ABCC1: variants seen among roughly 807,000 people sequenced by gnomAD.
ABCC1 encodes multidrug resistance-associated protein 1.
A neutral mutation model predicts 172.9 loss-of-function variants in ABCC1; 83 were observed. The observed-to-expected ratio is 0.48, with a 90% CI of 0.40 to 0.58. The LOEUF is 0.58. ABCC1 is among the 20% of genes least tolerant of loss of function. The pLI, the probability that ABCC1 is intolerant of heterozygous loss-of-function variation, is 0.00. For synonymous variants in ABCC1, 937 were observed against 825.2 expected (o/e 1.14, Z -2.32); for missense variants, 1,817 against 2,002.7 (o/e 0.91, Z 1.77).
At chr16:15,990,825 T>G (rs1343056427) in intron 1 of ABCC1, among the ~76,000 whole-genome samples, 1 of 150,506 alleles carries the variant, frequency 6.6e-6, no homozygotes, top group Non-Finnish European at 1.5e-5. Context: ...AATTTTTTTT[T>G]TTTTTTTTTT....
At chr16:15,954,550 C>T (rs1289038278) in intron 1 of ABCC1, among the ~76,000 whole-genome samples, 3 of 121,558 alleles carry the variant, frequency 2.5e-5, no homozygotes, top group African/African-American at 9.6e-5. Context: ...CGGGAGAGGC[C>T]TGGGCAGGAG....
intron 10 of ABCC1, among the ~76,000 whole-genome samples, chr16:16,051,166 A>G (rs1382881273): frequency 1.3e-5 from 2 of 148,592 alleles, no homozygotes; most frequent in African/African-American, 5.0e-5. Flanking sequence ...TGTTCTTGTT[A>G]TTGTTTTTTT....
intron 1 of ABCC1, among the ~76,000 whole-genome samples, chr16:16,003,043 T>G (rs2047374843): frequency 6.6e-6 from 1 of 152,170 alleles, no homozygotes; most frequent in Admixed American, 6.6e-5. Context: ...TAAAAATAAT[T>G]ACAAAGAGAG....
intron 28 of ABCC1, 117 bp downstream of exon 28, chr16:16,134,625 CTTT>C (rs67073334): frequency 0.41 from 145,044 of 351,202 alleles, 20,560 homozygotes; most frequent in African/African-American, 0.51. Flanking sequence ...CTTCATCGTT[CTTT>C]TTTTTTTTTT....
chr16:16,130,769 GC>G lies in ABCC1; in HGVS notation c.3820-1019del, dbSNP rs564992876. Among the ~76,000 whole-genome samples, 15 of 152,244 alleles carry G rather than the reference GC, an allele frequency of 9.9e-5. No individual in the cohort carries two copies. In the South Asian group the frequency reaches 2.9e-3, roughly 30 times the overall value. ...TCCTTGACGTTAAAAGAATCTGGGGGCAACATTTATATTTTATCAGAAAAAC... is the reference window on the plus strand; with the variant it reads ...TCCTTGACGTTAAAAGAATCTGGGGGAACATTTATATTTTATCAGAAAAAC... On this transcript the variant is annotated intron_variant, in intron 26 of 30. Coordinates refer to ENST00000399410, the MANE Select transcript of ABCC1 (RefSeq NM_004996.4).
At chr16:16,136,231 C>A (rs2152162343) in intron 28 of ABCC1, among the ~76,000 whole-genome samples, 1 of 152,222 alleles carries the variant, frequency 6.6e-6, no homozygotes, top group East Asian at 1.9e-4. Context: ...GCCATGTTGG[C>A]CAGGCTGGTC....
chr16:16,066,477 G>A (rs2050117805), intron 12 of ABCC1, among the ~76,000 whole-genome samples: 1 of 151,882 alleles, frequency 6.6e-6, no homozygotes, highest in Admixed American at 6.6e-5. Flanking sequence ...CACCCCGCCT[G>A]GCCATCTGAC....
chr16:16,135,334 A>G (rs2045878926), intron 28 of ABCC1, among the ~76,000 whole-genome samples: 1 of 152,178 alleles, frequency 6.6e-6, no homozygotes, highest in African/African-American at 2.4e-5. Flanking sequence ...GTCCCCACTT[A>G]TGGAGGCTCC....
chr16:16,068,338 G>C (rs758856288), intron 13 of ABCC1, 36 bp downstream of exon 13: 9 of 1,610,350 alleles, frequency 5.6e-6, no homozygotes, highest in Non-Finnish European at 6.8e-6. Flanking sequence ...CCGAGAGGGG[G>C]CCTTGGGGTT....
Position 16,124,315 on chromosome 16 carries a change from CTG to C in ABCC1, c.3591-441_3591-440del, listed in dbSNP as rs11270322. Among the ~76,000 whole-genome samples the C allele has an allele frequency of 5.2e-4, 19 of 36,834 alleles. 1 individual carries two copies. Among genetic ancestry groups the C allele is most frequent in the African/African-American group, 1.6e-3 (18 of 11,458 alleles). The allele number at this position is 36,834 out of a possible 152,430, so 24.2% of individuals were successfully genotyped here. A position where few individuals can be genotyped will look rare whatever the true frequency, so the allele number is the denominator to read the frequency against. ...ACATCTTTTTGTTGTTGTTAATGCA[CTG>C]TGTGTGTGTGTGTGTGTGTGTGTGT... On this transcript the variant is annotated intron_variant, in intron 24 of 30. Coordinates refer to ENST00000399410, the MANE Select transcript of ABCC1 (RefSeq NM_004996.4).
rs115254244 is a variant in ABCC1 at position 16,055,048 on chromosome 16, A to C, written c.1474-1044A>C. ...AGTGCAAGACCAGCCTGAGCAACAT[A>C]GCAAGGTGCCATCTCTACAAGAAAT... is the stretch of plus-strand genomic sequence containing the variant. On this transcript the variant is annotated intron_variant, in intron 11 of 30. Coordinates refer to ENST00000399410, the MANE Select transcript of ABCC1 (RefSeq NM_004996.4). Among the ~76,000 whole-genome samples, 1,366 of 152,202 alleles carry C rather than the reference A, an allele frequency of 9.0e-3. 21 individuals are homozygous for C. The highest frequency in any genetic ancestry group is 0.031 in the African/African-American group (1,286 of 41,534).
intron 1 of ABCC1, among the ~76,000 whole-genome samples, chr16:15,981,619 C>T (rs2046621986): frequency 1.3e-5 from 2 of 152,106 alleles, no homozygotes; most frequent in Admixed American, 1.3e-4. Flanking sequence ...GCAGGGGGGC[C>T]CTGGGCCCGG....
At chr16:16,123,652 G>A (rs1567431383) in intron 24 of ABCC1, among the ~76,000 whole-genome samples, 1 of 151,462 alleles carries the variant, frequency 6.6e-6, no homozygotes, top group East Asian at 1.9e-4. Flanking sequence ...GAGAAGAGAA[G>A]AATAAAATAA....
chr16:16,054,097 C>T (rs2049548208), intron 11 of ABCC1, among the ~76,000 whole-genome samples: 1 of 151,982 alleles, frequency 6.6e-6, no homozygotes, highest in Non-Finnish European at 1.5e-5. Flanking sequence ...GCCTCAGCCT[C>T]CCGAGCAGCT....
At chr16:16,107,137 C>T (rs1223055662) in intron 21 of ABCC1, among the ~76,000 whole-genome samples, 2 of 152,108 alleles carry the variant, frequency 1.3e-5, no homozygotes, top group African/African-American at 4.8e-5. Context: ...CTATTGACTG[C>T]CTGAGCAGCT....
At chr16:16,006,531 G>A (rs1205847003) in intron 1 of ABCC1, among the ~76,000 whole-genome samples, 1 of 150,864 alleles carries the variant, frequency 6.6e-6, no homozygotes, top group Non-Finnish European at 1.5e-5. Context: ...CTATGAATTT[G>A]TCTATTTGGC....
At chr16:16,026,274 A>G (rs558901817) in intron 5 of ABCC1, among the ~76,000 whole-genome samples, 4 of 151,588 alleles carry the variant, frequency 2.6e-5, no homozygotes, top group East Asian at 2.0e-4. Context: ...CTGTACTACA[A>G]ATGCAAAAAT....
intron 18 of ABCC1, 40 bp downstream of exon 18, chr16:16,087,031 C>G (rs200278208): frequency 2.2e-5 from 36 of 1,610,690 alleles, no homozygotes; most frequent in Non-Finnish European, 2.9e-5. Flanking sequence ...TGGGCCGTCT[C>G]GCCCTTTGGT....
At chr16:15,981,001 A>C (rs1458972382) in intron 1 of ABCC1, among the ~76,000 whole-genome samples, 1 of 152,216 alleles carries the variant, frequency 6.6e-6, no homozygotes, top group Non-Finnish European at 1.5e-5. Context: ...GGCCCCATGC[A>C]AGTCTGAAAT....
Sources: allele counts gnomAD v4.1 joint callset (sites outside exome capture counted in the v4.1 genomes callset), GRCh38; gene constraint gnomAD v4.1.1; transcripts MANE v1.5; gene names NCBI Gene and HGNC (gene_info 2026-07-23, HGNC 2026-07-21).